The following CCDC63 variants were observed in gnomAD, a reference collection of about 807,000 sequenced individuals.
CCDC63 encodes the protein coiled-coil domain containing 63.
A neutral mutation model predicts 63.6 loss-of-function variants in CCDC63; 54 were observed. The observed-to-expected ratio is 0.85, with a 90% CI of 0.68 to 1.07. The LOEUF (loss-of-function observed/expected upper bound fraction) is 1.07. Ranked by LOEUF, CCDC63 falls within the 50% of genes least tolerant of loss-of-function variation. The pLI, the probability that CCDC63 is intolerant of heterozygous loss-of-function variation, is 0.00. For missense variants in CCDC63, 637 were observed against 689.6 expected, an observed-to-expected ratio of 0.92 and a Z score of 0.86; for synonymous variants, 253 against 266.1, an observed-to-expected ratio of 0.95 and a Z score of 0.48.
In CCDC63 at chr12:110,852,946, TCC is replaced by T. The variant is rs747971774; in HGVS notation, c.-8_-7del. The T allele has an allele frequency of 4.0e-4, 649 of 1,614,006 alleles. 2 individuals carry two copies. The highest frequency in any genetic ancestry group is 4.4e-4 in the Non-Finnish European group (522 of 1,180,020). ...TGTCTGAGTGGAGGCAAAGTGCGGT[TCC>T]TTCAAGATGTCTGTGGTAGGTGATG... On this transcript the variant is annotated 5_prime_UTR_variant, in exon 2 of 12. Transcript: ENST00000308208.
intron 10 of CCDC63, 122 bp from the exon 11 acceptor site, chr12:110,904,466 C>T: frequency 1.3e-6 from 1 of 775,950 alleles, no homozygotes; most frequent in South Asian, 1.7e-5. Context: ...TTGTCAGAGC[C>T]CAGATCCCGC....
intron 8 of CCDC63, 74 bp from the exon 9 acceptor site, chr12:110,893,002 C>T (rs946638112): frequency 1.8e-5 from 21 of 1,167,102 alleles, no homozygotes; most frequent in African/African-American, 1.1e-4. Context: ...CTCTTTGAGG[C>T]GCACACTTAT....
intron 4 of CCDC63, among the ~76,000 whole-genome samples, chr12:110,867,392 G>GT (rs2070978144): frequency 5.5e-5 from 7 of 127,492 alleles, no homozygotes; most frequent in African/African-American, 9.2e-5. Flanking sequence ...GGCTGGCCGG[G>GT]CGGGGGGCTG....
rs1437890617 is a variant in CCDC63, at chr12:110,870,230, C to T, written c.370-3612C>T. Among the ~76,000 whole-genome samples, 16 of 152,240 alleles carry T rather than the reference C, an allele frequency of 1.1e-4. No individual in the cohort carries two copies. The East Asian group carries it at 3.1e-3, about 29-fold the overall frequency. ...CCCAAGTAGCGGAATTACAGGCGCCCACCACCATGCCTGGCTAATTTTTGT... is the reference window on the plus strand; with the variant it reads ...CCCAAGTAGCGGAATTACAGGCGCCTACCACCATGCCTGGCTAATTTTTGT... On this transcript the variant is annotated intron_variant, in intron 4 of 11. Transcript: ENST00000308208.
intron 1 of CCDC63, among the ~76,000 whole-genome samples, chr12:110,847,401 A>C (rs1404393397): frequency 6.6e-6 from 1 of 151,862 alleles, no homozygotes; most frequent in Admixed American, 6.6e-5. Flanking sequence ...AAAATATTTA[A>C]AAACTTAGCC....
At chr12:110,870,857 C>T (rs888657906) in intron 4 of CCDC63, among the ~76,000 whole-genome samples, 4 of 152,196 alleles carry the variant, frequency 2.6e-5, no homozygotes, top group Non-Finnish European at 5.9e-5. Flanking sequence ...AAATTACTGC[C>T]AGCTTCCCCC....
In CCDC63 at chr12:110,878,152, T is replaced by C. The variant is rs58340409; in HGVS notation, c.490-1754T>C. Among the ~76,000 whole-genome samples the C allele has an allele frequency of 1.6e-3, 238 of 152,286 alleles. 1 individual carries two copies. The highest frequency in any genetic ancestry group is 5.4e-3 in the African/African-American group (226 of 41,558). ...CAGAGTCTCCTTTTTTAAGGCTCAG[T>C]AATATTTTATTGTGTATATATATGC... On this transcript the variant is annotated intron_variant, in intron 5 of 11. Coordinates refer to ENST00000308208, the MANE Select transcript of CCDC63 (RefSeq NM_152591.3).
At position 110,848,148 on chromosome 12, in the gene CCDC63, A is replaced by G. The variant is rs145565049; in HGVS notation, c.-97+1043A>G. On this transcript the variant is annotated intron_variant, in intron 1 of 11. Transcript: ENST00000308208. ...CTACTGGCTCTAGGCAGTTACAGAA[A>G]ATGTGAGAATTGTGGGGAGGGGAGC... 4.5e-3 allele frequency among the ~76,000 whole-genome samples: 688 copies of G among 152,362 alleles called. 6 individuals carry two copies. Among genetic ancestry groups the G allele is most frequent in the African/African-American group, 0.016 (645 of 41,586 alleles).
intron 9 of CCDC63, among the ~76,000 whole-genome samples, chr12:110,898,293 A>G (rs1174011499): frequency 1.3e-5 from 2 of 151,442 alleles, no homozygotes; most frequent in Non-Finnish European, 2.9e-5. Context: ...TGTCTCAAAA[A>G]TAAATAAATA....
intron 8 of CCDC63, among the ~76,000 whole-genome samples, chr12:110,888,841 CCTTCCTTCCTTCCTTCCTT>C (rs2071320627): frequency 8.1e-6 from 1 of 123,696 alleles, no homozygotes; most frequent in Non-Finnish European, 1.6e-5. Flanking sequence ...TTCCTTCCTT[CCTTCCTTCCTTCCTTCCTT>C]CGTTTTTCTT....
intron 11 of CCDC63, among the ~76,000 whole-genome samples, chr12:110,906,022 T>TTATATATATAA (rs1566144792): frequency 2.6e-5 from 1 of 38,790 alleles, no homozygotes; most frequent in Non-Finnish European, 5.0e-5. Context: ...ATAATATATA[T>TTATATATATAA]TATATATTAT....
At chr12:110,873,503 T>C (rs2071092054) in intron 4 of CCDC63, among the ~76,000 whole-genome samples, 2 of 152,168 alleles carry the variant, frequency 1.3e-5, no homozygotes, top group Admixed American at 6.5e-5. Flanking sequence ...CTGGAAACCA[T>C]GGCTTTGGGT....
chr12:110,898,791 T>G (rs1360766747), intron 9 of CCDC63, 142 bp from the exon 10 acceptor site: 1 of 510,610 alleles, frequency 2.0e-6, no homozygotes, highest in Non-Finnish European at 3.4e-6. Context: ...CTTTAAAATT[T>G]GATGGGAACC....
rs903386905 is a variant in CCDC63, at chr12:110,866,247, G to T, written c.369+7472G>T. Among the ~76,000 whole-genome samples the T allele has an allele frequency of 2.0e-5, 3 of 151,818 alleles. No individual in the cohort carries two copies. In the East Asian group the frequency reaches 5.8e-4, roughly 29 times the overall value. ...CCTGCCTCGGCCTCCCAAAGTGCTG[G>T]GGTTACAGGCAGCAGCAACTTTTTA... On this transcript the variant is annotated intron_variant, in intron 4 of 11. Coordinates refer to ENST00000308208, the MANE Select transcript of CCDC63 (RefSeq NM_152591.3).
upstream of CCDC63, among the ~76,000 whole-genome samples, chr12:110,844,520 G>A (rs1409984651): frequency 1.3e-5 from 2 of 152,196 alleles, no homozygotes; most frequent in African/African-American, 2.4e-5. Flanking sequence ...GGGTAGAAAA[G>A]CATCTCCCTC....
chr12:110,879,830 C>G, intron 5 of CCDC63, 76 bp from the exon 6 acceptor site: 1 of 1,434,024 alleles, frequency 7.0e-7, no homozygotes, highest in Non-Finnish European at 9.7e-7. Context: ...GACCTGACAG[C>G]CTTCCAGGTG....
At chr12:110,866,472 G>A (rs992237981) in intron 4 of CCDC63, among the ~76,000 whole-genome samples, 3 of 143,958 alleles carry the variant, frequency 2.1e-5, no homozygotes, top group Non-Finnish European at 4.6e-5. Context: ...GCGGCCTTCC[G>A]CAGTGTTTGT....
intron 4 of CCDC63, among the ~76,000 whole-genome samples, chr12:110,868,535 GC>G (rs1466819848): frequency 4.0e-5 from 6 of 150,948 alleles, no homozygotes; most frequent in African/African-American, 1.2e-4. Flanking sequence ...CTGGAGACCG[GC>G]CCGGCCAACA....
intron 9 of CCDC63, among the ~76,000 whole-genome samples, chr12:110,898,366 T>A (rs2071439844): frequency 6.6e-6 from 1 of 151,394 alleles, no homozygotes; most frequent in Admixed American, 6.6e-5. Context: ...CTCATGCCTG[T>A]AATCTCAGCA....
Sources: allele counts gnomAD v4.1 joint callset (sites outside exome capture counted in the v4.1 genomes callset), GRCh38; gene constraint gnomAD v4.1.1; transcripts MANE v1.5; gene names NCBI Gene and HGNC (gene_info 2026-07-23, HGNC 2026-07-21).